The following CEP128 variants were observed in gnomAD, a reference collection of about 807,000 sequenced individuals.
The protein encoded by CEP128 is centrosomal protein 128, also known as centrosomal protein 128kDa.
CEP128 carries 132 observed loss-of-function variants against 156.7 expected under a neutral mutation model. That is an observed-to-expected ratio of 0.84 (90% CI 0.73 to 0.97). The LOEUF (loss-of-function observed/expected upper bound fraction) is 0.97, where lower values mean the gene tolerates loss of function less well. CEP128 is among the 50% of genes least tolerant of loss of function. The pLI, the probability that CEP128 is intolerant of heterozygous loss-of-function variation, is 0.00. For missense variants in CEP128, 1,252 were observed against 1,281.9 expected, an observed-to-expected ratio of 0.98 and a Z score of 0.36; for synonymous variants, 469 against 448.9, an observed-to-expected ratio of 1.04 and a Z score of -0.57.
intron 2 of CEP128, among the ~76,000 whole-genome samples, chr14:80,947,959 T>C (rs1009649228): frequency 2.0e-5 from 3 of 152,242 alleles, no homozygotes; most frequent in South Asian, 4.1e-4. Flanking sequence ...ACCTACATCA[T>C]TGGATTTTGC....
chr14:80,944,910 C>G (rs1310420343), upstream of CEP128, among the ~76,000 whole-genome samples: 3 of 134,374 alleles, frequency 2.2e-5, no homozygotes, highest in Non-Finnish European at 1.6e-5. Context: ...CTTTATAAAT[C>G]ACCCAGTCAC....
intron 21 of CEP128, among the ~76,000 whole-genome samples, chr14:80,532,760 T>C (rs1451836317): frequency 6.6e-6 from 1 of 152,216 alleles, no homozygotes; most frequent in Non-Finnish European, 1.5e-5. Flanking sequence ...TACTTTTCAA[T>C]GTTCTGTGAC....
intron 19 of CEP128, among the ~76,000 whole-genome samples, chr14:80,611,353 G>A (rs1270055685): frequency 1.3e-5 from 2 of 149,008 alleles, no homozygotes; most frequent in African/African-American, 5.0e-5. Context: ...AAAAATCTAA[G>A]GTCATTTTGA....
chr14:80,624,798 T>G (rs1020269158), intron 19 of CEP128, among the ~76,000 whole-genome samples: 13 of 152,148 alleles, frequency 8.5e-5, no homozygotes, highest in African/African-American at 2.9e-4. Context: ...GTCTGAGTTC[T>G]TTACATATTC....
chr14:80,716,676 A>T (rs1360784444), intron 19 of CEP128, among the ~76,000 whole-genome samples: 2 of 152,164 alleles, frequency 1.3e-5, no homozygotes, highest in African/African-American at 2.4e-5. Flanking sequence ...GTTTATCCTT[A>T]AGGCTGTTGT....
intron 19 of CEP128, among the ~76,000 whole-genome samples, chr14:80,653,119 A>G (rs929206833): frequency 6.6e-6 from 1 of 152,196 alleles, no homozygotes; most frequent in African/African-American, 2.4e-5. Flanking sequence ...GTTCTCACTC[A>G]TAAGTGGGAG....
chr14:80,776,506 A>AT (rs943610704), intron 16 of CEP128, among the ~76,000 whole-genome samples: 4 of 147,634 alleles, frequency 2.7e-5, no homozygotes, highest in South Asian at 2.1e-4. Context: ...TTTATATGTA[A>AT]TTTTTTTACT....
At chr14:80,484,453 G>A (rs1887116538) in intron 14 of CEP128, among the ~76,000 whole-genome samples, 3 of 152,180 alleles carry the variant, frequency 2.0e-5, no homozygotes, top group Admixed American at 6.5e-5. Context: ...GGTAACTTGG[G>A]AATTAGCTCC....
intron 11 of CEP128, among the ~76,000 whole-genome samples, chr14:80,837,307 C>A (rs2140069362): frequency 6.6e-6 from 1 of 152,274 alleles, no homozygotes; most frequent in East Asian, 1.9e-4. Flanking sequence ...CAGTTAGAAA[C>A]CCATATGCCC....
At chr14:80,593,118 C>T (rs987868650) in intron 19 of CEP128, among the ~76,000 whole-genome samples, 17 of 152,176 alleles carry the variant, frequency 1.1e-4, no homozygotes, top group Non-Finnish European at 2.1e-4. Context: ...CTCACCACTC[C>T]TATTCAACAT....
chr14:80,862,776 A>C lies in CEP128; in HGVS notation c.743T>G (p.Met248Arg). Residue 248 changes from methionine (M) to arginine (R), a missense_variant, in exon 9 of 25, where the codon ATG becomes AGG. Met to Arg is a moderately conservative substitution (Grantham distance 91). Transcript: ENST00000555265. ...VERRQDQLGL[M>R]SLQLQEALKK... ...ACAAACCTCCTGTAGCTGCAGGGAC[A>C]TGAGTCCCAGTTGATCCTGGCGTCT... The C allele has an allele frequency of 6.8e-6, 11 of 1,606,370 alleles. No individual in the cohort carries two copies. The highest frequency in any genetic ancestry group is 8.5e-6 in the Non-Finnish European group (10 of 1,172,892).
upstream of CEP128, among the ~76,000 whole-genome samples, chr14:80,944,619 G>A (rs984980028): frequency 1.1e-4 from 16 of 151,754 alleles, 1 homozygote; most frequent in African/African-American, 3.6e-4. Context: ...TCAGGAGATC[G>A]AGACCATCCT....
chr14:80,845,868 G>A (rs564553254), intron 9 of CEP128, among the ~76,000 whole-genome samples: 175 of 152,176 alleles, frequency 1.1e-3, no homozygotes, highest in African/African-American at 3.9e-3. Context: ...ATAAACAGAT[G>A]GCCTAGCATA....
At chr14:80,500,999 G>A (rs1050586749) in intron 24 of CEP128, among the ~76,000 whole-genome samples, 3 of 149,606 alleles carry the variant, frequency 2.0e-5, no homozygotes, top group Admixed American at 1.3e-4. Context: ...GCTTCTAAGT[G>A]CTCAGTTAGA....
At chr14:80,504,140 T>C (rs1351490801) in intron 24 of CEP128, among the ~76,000 whole-genome samples, 2 of 152,184 alleles carry the variant, frequency 1.3e-5, no homozygotes, top group Non-Finnish European at 2.9e-5. Context: ...ATAGTTTAGA[T>C]AAATGTGGAC....
At chr14:80,539,294 C>T (rs1889631392) in intron 21 of CEP128, among the ~76,000 whole-genome samples, 2 of 152,146 alleles carry the variant, frequency 1.3e-5, no homozygotes, top group South Asian at 2.1e-4. Flanking sequence ...GTGACAGCCT[C>T]TCTGATGCAA....
rs145751372 is a variant in CEP128 at position 80,660,999 on chromosome 14, C to T, written c.2807-80576G>A. 2.7e-3 allele frequency among the ~76,000 whole-genome samples: 416 copies of T among 152,268 alleles called. 2 individuals carry two copies. The highest frequency in any genetic ancestry group is 9.6e-3 in the African/African-American group (399 of 41,570). On this transcript the variant is annotated intron_variant, in intron 19 of 24. Coordinates refer to ENST00000555265, the MANE Select transcript of CEP128 (RefSeq NM_152446.5). ...TGCCTTACACAGGTCTTTCCACAGACCCTTCAACACATGTAGCAGAGGAAT... is the reference window on the plus strand; with the variant it reads ...TGCCTTACACAGGTCTTTCCACAGATCCTTCAACACATGTAGCAGAGGAAT...
At chr14:80,606,993 G>T (rs1256443143) in intron 19 of CEP128, among the ~76,000 whole-genome samples, 1 of 150,650 alleles carries the variant, frequency 6.6e-6, no homozygotes, top group Non-Finnish European at 1.5e-5. Context: ...ATACATACAT[G>T]TACATATATT....
chr14:80,511,338 G>A (rs79965639), intron 23 of CEP128, among the ~76,000 whole-genome samples: 11 of 151,962 alleles, frequency 7.2e-5, no homozygotes, highest in African/African-American at 2.6e-4. Context: ...AATCTTAGTA[G>A]GTTGTATGTG....
Sources: gnomAD v4.1 joint callset for allele counts (sites outside exome capture counted in the v4.1 genomes callset) on GRCh38, gnomAD v4.1.1 for gene constraint, MANE v1.5 for transcripts, NCBI Gene and HGNC (gene_info 2026-07-23, HGNC 2026-07-21) for gene names.